Variants in TFEC observed in about 807,000 individuals in gnomAD.
The protein encoded by TFEC is transcription factor EC, also known as class E basic helix-loop-helix protein 34.
In TFEC, 31 loss-of-function variants were observed where a neutral mutation model predicts 41.6. That is an observed-to-expected ratio of 0.74 (90% CI 0.56 to 1.01). The LOEUF (loss-of-function observed/expected upper bound fraction) is 1.01. Among genes scored for constraint, TFEC ranks in the 50% least tolerant of loss-of-function variants. The pLI, the probability that TFEC is intolerant of heterozygous loss-of-function variation, is 0.00. For missense variants in TFEC, 402 were observed against 404.1 expected (o/e 0.99, Z 0.04); for synonymous variants, 143 against 140.6 (o/e 1.02, Z -0.12).
In TFEC at chr7:116,066,139, T is replaced by C. The variant is rs199848512; in HGVS notation, c.198+44569A>G. ...CCTAATGGCTCCAGTGGCTCTTCTA[T>C]CCCTATTGAGGAGATGAATTCACCC... On this transcript the variant is annotated intron_variant, in intron 3 of 8. Coordinates refer to the TFEC transcript ENST00000484212. Among the ~76,000 whole-genome samples, 53 of 152,268 alleles carry C rather than the reference T, an allele frequency of 3.5e-4. 2 individuals are homozygous for C. The East Asian group carries it at 8.9e-3, about 25-fold the overall frequency.
intron 1 of TFEC, chr7:116,120,133 G>A (rs1427214991): frequency 3.3e-5 from 5 of 151,842 alleles, no homozygotes; most frequent in South Asian, 2.1e-4. Flanking sequence ...TGTTGGTGGA[G>A]AATAGGCTGT....
At chr7:116,030,851 T>G, upstream of TFEC, 1 of 983,512 alleles carries the variant, frequency 1.0e-6, no homozygotes, top group South Asian at 4.7e-5. Flanking sequence ...GGTTGGAATT[T>G]CAGTTAAGGA....
intron 1 of TFEC, among the ~76,000 whole-genome samples, chr7:116,155,436 G>A (rs1339383828): frequency 6.6e-6 from 1 of 152,062 alleles, no homozygotes; most frequent in Non-Finnish European, 1.5e-5. Flanking sequence ...TGTGCCATTG[G>A]GCCTACAGCA....
At chr7:115,973,060 G>A (rs1562902406) in intron 3 of TFEC, among the ~76,000 whole-genome samples, 2 of 151,768 alleles carry the variant, frequency 1.3e-5, no homozygotes, top group Non-Finnish European at 2.9e-5. Context: ...GAGAAAAAAG[G>A]TAGAGTCATC....
Position 115,942,032 on chromosome 7 carries a change from C to T in TFEC, c.524G>A (p.Arg175His), listed in dbSNP as rs759763689. The T allele has an allele frequency of 1.2e-5, 19 of 1,611,884 alleles. No individual in the cohort carries two copies. Among genetic ancestry groups the T allele is most frequent in the Admixed American group, 6.7e-5 (4 of 59,808 alleles). ...LIPKSNDPDMRWNKGTILKAS... is the reference protein window; with the variant it reads ...LIPKSNDPDMHWNKGTILKAS... ...TTTTAGAATGGTTCCTTTGTTCCAG[C>T]GCATATCACTGTAGAATGGAGAGAT... Residue 175 changes from arginine to histidine, a missense_variant, in exon 7 of 8, where the codon CGC (arginine) becomes CAC (histidine). By Grantham distance (29) the Arg-to-His change is conservative. Coordinates refer to ENST00000265440, the MANE Select transcript of TFEC (RefSeq NM_012252.4).
At chr7:115,949,695 C>G (rs1408281331) in intron 6 of TFEC, among the ~76,000 whole-genome samples, 4 of 151,852 alleles carry the variant, frequency 2.6e-5, no homozygotes, top group South Asian at 4.2e-4. Context: ...ATACAAAAAT[C>G]AATTCAAGAT....
chr7:115,945,316 A>C (rs1791472059), intron 6 of TFEC, among the ~76,000 whole-genome samples: 1 of 151,538 alleles, frequency 6.6e-6, no homozygotes, highest in Non-Finnish European at 1.5e-5. Context: ...TAACATTTGA[A>C]AATTTGACAA....
rs368084358 is a variant in TFEC at position 115,937,983 on chromosome 7, C to A, written c.*2568G>T. On this transcript the variant is annotated 3_prime_UTR_variant, in exon 8 of 8. Transcript: ENST00000265440. ...TTTAATGTATTTCAGTTGACCGGGACACAGCATAACTCTTTACTCTCTTTA... is the reference window on the plus strand; with the variant it reads ...TTTAATGTATTTCAGTTGACCGGGAAACAGCATAACTCTTTACTCTCTTTA... The A allele has an allele frequency of 4.6e-5, 7 of 151,842 alleles. No individual in the cohort carries two copies. Among genetic ancestry groups the A allele is most frequent in the African/African-American group, 1.7e-4 (7 of 41,414 alleles). The allele number at this position is 151,842 out of a possible 1,614,324, so 9.4% of individuals were successfully genotyped here.
intron 3 of TFEC, among the ~76,000 whole-genome samples, chr7:116,082,384 T>C (rs1226991765): frequency 6.6e-6 from 1 of 151,976 alleles, no homozygotes; most frequent in Non-Finnish European, 1.5e-5. Context: ...CGATGGTATC[T>C]AAGAGCTCTT....
At chr7:116,106,747 T>A (rs138189444) in intron 3 of TFEC, among the ~76,000 whole-genome samples, 62 of 152,258 alleles carry the variant, frequency 4.1e-4, no homozygotes, top group African/African-American at 1.3e-3. Flanking sequence ...AAAAAAAATC[T>A]CAGCTTTTTG....
intron 3 of TFEC, among the ~76,000 whole-genome samples, chr7:116,109,753 C>A (rs566728938): frequency 3.9e-4 from 60 of 152,298 alleles, no homozygotes; most frequent in African/African-American, 1.3e-3. Flanking sequence ...ATAAGTCATG[C>A]TGCTATAAAG....
chr7:116,029,970 G>C (rs980291623), intron 1 of TFEC, among the ~76,000 whole-genome samples: 1 of 152,066 alleles, frequency 6.6e-6, no homozygotes, highest in South Asian at 2.1e-4. Flanking sequence ...GAAGGCTGAG[G>C]CAGGAGAATC....
intron 3 of TFEC, among the ~76,000 whole-genome samples, chr7:116,088,811 G>A (rs946518055): frequency 4.0e-5 from 6 of 151,372 alleles, no homozygotes; most frequent in Admixed American, 1.3e-4. Flanking sequence ...TAATATACCC[G>A]CAGAGCACAC....
chr7:116,065,318 AG>A (rs1481016383), intron 3 of TFEC, among the ~76,000 whole-genome samples: 2 of 152,186 alleles, frequency 1.3e-5, no homozygotes, highest in Non-Finnish European at 2.9e-5. Flanking sequence ...ACCTGAGAAA[AG>A]TTCCTAGGAG....
intron 3 of TFEC, among the ~76,000 whole-genome samples, chr7:116,076,636 A>G (rs1215142097): frequency 2.6e-5 from 4 of 152,102 alleles, no homozygotes; most frequent in Non-Finnish European, 4.4e-5. Context: ...AATGCACTGG[A>G]AAGTCTCAGC....
At chr7:115,945,140 CTT>C (rs35119397) in intron 6 of TFEC, among the ~76,000 whole-genome samples, 45 of 143,990 alleles carry the variant, frequency 3.1e-4, no homozygotes, top group South Asian at 4.8e-4. Context: ...CTTGTATGGT[CTT>C]TTTTTTTTTT....
intron 2 of TFEC, 75 bp from the exon 3 acceptor site, chr7:115,974,331 A>T: frequency 8.7e-7 from 1 of 1,149,778 alleles, no homozygotes; most frequent in South Asian, 2.5e-5. Context: ...ACAGAGAGAA[A>T]AATTCTAGCA....
intron 3 of TFEC, among the ~76,000 whole-genome samples, chr7:115,967,089 C>T (rs1177042624): frequency 1.3e-5 from 2 of 151,188 alleles, no homozygotes; most frequent in East Asian, 1.9e-4. Context: ...TGTGTATATA[C>T]ATATACATAT....
intron 1 of TFEC, among the ~76,000 whole-genome samples, chr7:116,129,582 C>G (rs1342210466): frequency 2.2e-5 from 3 of 135,044 alleles, no homozygotes; most frequent in Non-Finnish European, 3.2e-5. Flanking sequence ...TCCCAATATT[C>G]TTACTTTTTT....
Sources: gnomAD v4.1 joint callset for allele counts (sites outside exome capture counted in the v4.1 genomes callset) on GRCh38, gnomAD v4.1.1 for gene constraint, MANE v1.5 for transcripts, NCBI Gene and HGNC (gene_info 2026-07-23, HGNC 2026-07-21) for gene names.